Variants in ANK2 observed in about 807,000 individuals in gnomAD.
ANK2 encodes ankyrin-2.
A neutral mutation model predicts 360.5 loss-of-function variants in ANK2; 83 were observed. The ratio of observed to expected loss-of-function variants is 0.23; its 90% CI spans 0.19 to 0.28. The LOEUF (loss-of-function observed/expected upper bound fraction) is 0.28. Ranked by LOEUF, ANK2 falls within the 10% of genes least tolerant of loss-of-function variation. The pLI is 1.00. For missense variants in ANK2, 4,201 were observed against 4,795.7 expected (o/e 0.88, Z 3.66); for synonymous variants, 1,740 against 1,759.5 (o/e 0.99, Z 0.28).
chr4:113,228,633 T>C (rs1241256792), intron 4 of ANK2, among the ~76,000 whole-genome samples: 1 of 152,184 alleles, frequency 6.6e-6, no homozygotes, highest in Non-Finnish European at 1.5e-5. Flanking sequence ...CTGTGAATTG[T>C]GCTGCTATAA....
chr4:113,266,961 A>G (rs1008305101), intron 14 of ANK2, among the ~76,000 whole-genome samples: 1 of 152,004 alleles, frequency 6.6e-6, no homozygotes, highest in African/African-American at 2.4e-5. Context: ...GCATGAGATC[A>G]TATCTCATTG....
chr4:113,161,391 T>C (rs1446406071), intron 1 of ANK2, among the ~76,000 whole-genome samples: 1 of 152,226 alleles, frequency 6.6e-6, no homozygotes, highest in African/African-American at 2.4e-5. Flanking sequence ...CTCCATGTGG[T>C]ATGTACTATA....
intron 2 of ANK2, among the ~76,000 whole-genome samples, chr4:112,988,867 T>C (rs1323620069): frequency 1.3e-5 from 2 of 151,888 alleles, no homozygotes; most frequent in Non-Finnish European, 2.9e-5. Flanking sequence ...GAGCTCAATA[T>C]GTAAGCGTTT....
chr4:113,348,151 G>T, intron 35 of ANK2, 125 bp from the exon 36 acceptor site: 1 of 907,538 alleles, frequency 1.1e-6, no homozygotes, highest in South Asian at 1.4e-5. Context: ...AGAGTATGTT[G>T]ACTGTATGCT....
chr4:113,335,248 C>G (rs561048864), intron 29 of ANK2, among the ~76,000 whole-genome samples: 1 of 152,026 alleles, frequency 6.6e-6, no homozygotes, highest in Non-Finnish European at 1.5e-5. Flanking sequence ...AATATTGAAA[C>G]CCTGAATTCC....
intron 2 of ANK2, among the ~76,000 whole-genome samples, chr4:112,948,056 C>A (rs1320806618): frequency 5.3e-5 from 8 of 152,218 alleles, no homozygotes; most frequent in Admixed American, 5.2e-4. Flanking sequence ...TGTATACATG[C>A]AAACCCACAA....
chr4:112,952,826 C>T (rs1469911769), intron 2 of ANK2, among the ~76,000 whole-genome samples: 1 of 152,070 alleles, frequency 6.6e-6, no homozygotes, highest in Non-Finnish European at 1.5e-5. Context: ...ATCTGACCCT[C>T]CTACAAATCT....
At chr4:113,060,679 CTTTTTTTTTTT>C (rs58946073) in intron 1 of ANK2, among the ~76,000 whole-genome samples, 1 of 89,338 alleles carries the variant, frequency 1.1e-5, no homozygotes, top group Non-Finnish European at 2.2e-5. Flanking sequence ...ATCTAAAAAG[CTTTTTTTTTTT>C]TTTTTTTTTT....
chr4:112,793,917 G>T, the ANK2 span, among the ~76,000 whole-genome samples: 1 of 151,930 alleles, frequency 6.6e-6, no homozygotes, highest in Non-Finnish European at 1.5e-5. Flanking sequence ...CCAGGATCTG[G>T]AACTCCTGAA....
chr4:113,237,506 C>A, intron 6 of ANK2, 93 bp from the exon 7 acceptor site: 1 of 1,263,612 alleles, frequency 7.9e-7, no homozygotes, highest in Non-Finnish European at 1.2e-6. Flanking sequence ...CATGTTGGAA[C>A]AGTATACCCA....
rs2153959631 is a variant in ANK2, at chr4:113,336,050, G to A, written c.3584G>A (p.Gly1195Asp). The change falls in exon 30 of 46, where the codon GGC becomes GAC. Residue 1195 changes from glycine to aspartate, a missense_variant. This residue lies in a region of ANK2 where 1,268 missense variants were observed against 1,650.8 expected (regional missense o/e 0.77). Coordinates refer to ENST00000357077, the MANE Select transcript of ANK2 (RefSeq NM_001148.6). The part of the protein sequence containing the change: ...EGALTKRIRV[G>D]LQAQPMHSEL... ...GCACTCACCAAGCGGATCCGCGTAG[G>A]CCTGCAGGTATGCCCATGTTAGATG... 6.2e-7 allele frequency: 1 copy of A among 1,613,770 alleles called. No homozygotes were observed. The highest frequency in any genetic ancestry group is 1.1e-5 in the South Asian group (1 of 91,074).
the ANK2 span, among the ~76,000 whole-genome samples, chr4:112,707,138 G>T: frequency 6.6e-6 from 1 of 152,090 alleles, no homozygotes; most frequent in African/African-American, 2.4e-5. Context: ...TTAGAAAGAG[G>T]GCTAAAATTG....
intron 26 of ANK2, chr4:113,323,823 A>G: frequency 6.2e-7 from 1 of 1,602,634 alleles, no homozygotes; most frequent in Non-Finnish European, 8.5e-7. Flanking sequence ...CTTTCTCTGA[A>G]CATGTTGCCT....
chr4:113,373,643 A>T (rs1424230200), intron 45 of ANK2, 194 bp downstream of exon 45: 2 of 767,674 alleles, frequency 2.6e-6, no homozygotes, highest in Non-Finnish European at 4.8e-6. Flanking sequence ...GGAGACTTGT[A>T]GGCATTATAC....
chr4:113,311,945 G>A (rs1322141092), intron 24 of ANK2, among the ~76,000 whole-genome samples: 1 of 152,172 alleles, frequency 6.6e-6, no homozygotes, highest in African/African-American at 2.4e-5. Context: ...AACAATCGGA[G>A]CAAAATCTGA....
chr4:113,302,771 T>C lies in ANK2; in HGVS notation c.2480T>C (p.Ile827Thr). ...TEEVTTTTTT[I>T]TEKHKLNVPE... ...TAATGATTTTTGTTTTTCCAGACTA[T>C]TACAGAAAAACACAAACTAAATGTA... Residue 827 changes from isoleucine to threonine, a missense_variant, in exon 23 of 46, where the codon ATT becomes ACT. Transcript: ENST00000357077. 1 of 1,613,104 alleles carries C rather than the reference T, an allele frequency of 6.2e-7. No homozygotes were observed. Among genetic ancestry groups the C allele is most frequent in the South Asian group, 1.1e-5 (1 of 91,050 alleles).
chr4:113,365,285 T>C (rs1390469045), intron 41 of ANK2, 103 bp downstream of exon 41: 25 of 1,220,448 alleles, frequency 2.0e-5, no homozygotes, highest in African/African-American at 1.5e-4. Context: ...TTTTTTTTTT[T>C]CAGAAGGTAG....
chr4:113,100,706 G>C (rs1056958898), intron 1 of ANK2, among the ~76,000 whole-genome samples: 1 of 152,128 alleles, frequency 6.6e-6, no homozygotes, highest in East Asian at 1.9e-4. Context: ...ATTCATAATT[G>C]TGAAAAACCA....
chr4:112,747,643 T>TA, the ANK2 span, among the ~76,000 whole-genome samples: 619 of 152,298 alleles, frequency 4.1e-3, 4 homozygotes, highest in African/African-American at 0.014. Context: ...TTAAGTAAAT[T>TA]GGTTCTGATC....
Sources: allele counts gnomAD v4.1 joint callset (sites outside exome capture counted in the v4.1 genomes callset), GRCh38; gene constraint gnomAD v4.1.1; regional missense constraint gnomAD v4.1.1; transcripts MANE v1.5; gene names NCBI Gene and HGNC (gene_info 2026-07-23, HGNC 2026-07-21).